ANKRD66: variants seen among roughly 807,000 people sequenced by gnomAD.
The protein encoded by ANKRD66 is ankyrin repeat domain 66.
A neutral mutation model predicts 10.9 loss-of-function variants in ANKRD66; 10 were observed. That is an observed-to-expected ratio of 0.91 (90% CI 0.56 to 1.55). The LOEUF (loss-of-function observed/expected upper bound fraction) is 1.55, where lower values mean the gene tolerates loss of function less well. ANKRD66 is among the 40% of genes most tolerant of loss of function. The pLI is 0.00. For synonymous variants in ANKRD66, 85 were observed against 88.4 expected (o/e 0.96, Z 0.22); for missense variants, 252 against 242.9 (o/e 1.04, Z -0.25).
chr6:46,758,604 C>A (rs1438647400), intron 4 of ANKRD66, 119 bp from the exon 5 acceptor site: 2 of 936,560 alleles, frequency 2.1e-6, no homozygotes, highest in Non-Finnish European at 3.0e-6. Context: ...AATGCTCAAA[C>A]TTGGCCTCCT....
In ANKRD66 at chr6:46,749,953, G is replaced by T; in HGVS notation, c.-39G>T. 2.6e-6 allele frequency: 4 copies of T among 1,519,806 alleles called. No homozygotes were observed. The highest frequency in any genetic ancestry group is 3.6e-6 in the Non-Finnish European group (4 of 1,118,150). The allele number at this position is 1,519,806 out of a possible 1,614,324, so 94.1% of individuals were successfully genotyped here. ...AGGGCTTACCACAACAAAGATGGCC[G>T]GACCCCTGCCCAGAGTTTCAGATTC... On this transcript the variant is annotated 5_prime_UTR_variant, in exon 2 of 5. The change creates a premature stop within an existing upstream ORF in the 5' untranslated region. Transcript: ENST00000565422.
chr6:46,753,618 G>T, intron 3 of ANKRD66, 104 bp from the exon 4 acceptor site: 2 of 1,165,242 alleles, frequency 1.7e-6, no homozygotes, highest in Non-Finnish European at 2.4e-6. Context: ...CTCCTCAAAG[G>T]CAAAGTTTCC....
intron 1 of ANKRD66, among the ~76,000 whole-genome samples, chr6:46,749,280 C>A (rs994311040): frequency 6.6e-6 from 1 of 152,176 alleles, no homozygotes; most frequent in African/African-American, 2.4e-5. Context: ...ATGTCTCCTG[C>A]CAACTAACTG....
intron 3 of ANKRD66, 108 bp downstream of exon 3, chr6:46,752,219 G>C (rs967238278): frequency 2.5e-6 from 3 of 1,213,380 alleles, no homozygotes; most frequent in Non-Finnish European, 3.2e-6. Context: ...TTTAGAGCCA[G>C]TTGGAAACTT....
At position 46,758,979 on chromosome 6, in the gene ANKRD66, T is replaced by C. The variant is rs1582609377; in HGVS notation, c.*58T>C. 1 of 1,469,786 alleles carries C rather than the reference T, an allele frequency of 6.8e-7. No homozygotes were observed. Among genetic ancestry groups the C allele is most frequent in the East Asian group, 2.5e-5 (1 of 40,458 alleles). 91.0% of individuals were successfully genotyped at this position (1,469,786 alleles called of 1,614,324 possible). A position where few individuals can be genotyped will look rare whatever the true frequency, so the allele number is the denominator to read the frequency against. ...TTCCCTGGTGCCAGAAATGAGGCTG[T>C]TAGGCATGGTGGCCTTTCCATGACT... is the stretch of plus-strand genomic sequence containing the variant. On this transcript the variant is annotated 3_prime_UTR_variant, in exon 5 of 5. Coordinates refer to ENST00000565422, the MANE Select transcript of ANKRD66 (RefSeq NM_001162435.3).
chr6:46,747,174 G>A (rs867872767), intron 1 of ANKRD66, among the ~76,000 whole-genome samples, 184 bp downstream of exon 1: 1 of 152,046 alleles, frequency 6.6e-6, no homozygotes, highest in Non-Finnish European at 1.5e-5. Flanking sequence ...GGTTACTAAA[G>A]GAACCAATTG....
At chr6:46,758,683 C>T (rs1766425537) in intron 4 of ANKRD66, 40 bp from the exon 5 acceptor site, 1 of 1,507,380 alleles carries the variant, frequency 6.6e-7, no homozygotes, top group Non-Finnish European at 8.9e-7. Flanking sequence ...GGAACAGGTC[C>T]TCCTGATCCA....
chr6:46,749,829 T>C, intron 1 of ANKRD66, 67 bp from the exon 2 acceptor site: 1 of 1,497,858 alleles, frequency 6.7e-7, no homozygotes, highest in Non-Finnish European at 8.9e-7. Flanking sequence ...TGGTTCTTTC[T>C]CTCTGTCCTC....
intron 4 of ANKRD66, chr6:46,756,900 C>G (rs1582608302): frequency 6.6e-6 from 1 of 152,120 alleles, no homozygotes; most frequent in East Asian, 1.9e-4. Flanking sequence ...TCTTGCGTGC[C>G]TTTTAAATGC....
intron 4 of ANKRD66, chr6:46,756,509 T>A (rs1446900690): frequency 1.3e-5 from 2 of 156,282 alleles, no homozygotes; most frequent in African/African-American, 4.8e-5. Flanking sequence ...TACTTGATAG[T>A]TTTATATAGC....
intron 2 of ANKRD66, among the ~76,000 whole-genome samples, chr6:46,751,102 A>G (rs555811903): frequency 1.3e-5 from 2 of 152,228 alleles, no homozygotes; most frequent in South Asian, 2.1e-4. Flanking sequence ...GGATGTTCCT[A>G]TGTAACTGGC....
At chr6:46,757,974 AGCTTAGGGT>A (rs1385766743) in intron 4 of ANKRD66, 1 of 152,234 alleles carries the variant, frequency 6.6e-6, no homozygotes, top group Non-Finnish European at 1.5e-5. Flanking sequence ...GGTCACTTCC[AGCTTAGGGT>A]GAGGGACTAG....
At chr6:46,749,376 G>A (rs1431744501) in intron 1 of ANKRD66, among the ~76,000 whole-genome samples, 1 of 152,134 alleles carries the variant, frequency 6.6e-6, no homozygotes, top group Admixed American at 6.5e-5. Flanking sequence ...CACCGACCAG[G>A]CCCTTCCCCC....
chr6:46,749,779 A>C (rs984556184), intron 1 of ANKRD66, 117 bp from the exon 2 acceptor site: 2 of 1,300,314 alleles, frequency 1.5e-6, no homozygotes, highest in African/African-American at 3.0e-5. Context: ...AGCTTAGGCC[A>C]CTTTTAGAGA....
At position 46,751,982 on chromosome 6, in the gene ANKRD66, C is replaced by T. The variant is rs1374918033; in HGVS notation, c.34C>T (p.Leu12Phe). ...ELAKMSDMTK[L>F]HQAVAAGDYS... Reference sequence around the variant, plus strand: ...GGCCAAAATGTCAGACATGACAAAGCTTCACCAAGCTGTGGCTGCAGGAGA... The same window carrying T: ...GGCCAAAATGTCAGACATGACAAAGTTTCACCAAGCTGTGGCTGCAGGAGA... Residue 12 changes from leucine (L) to phenylalanine (F), a missense_variant, in exon 3 of 5, where the codon CTT (leucine) becomes TTT (phenylalanine). Transcript: ENST00000565422. 9 of 1,494,386 alleles carry T rather than the reference C, an allele frequency of 6.0e-6. No homozygotes were observed. The highest frequency in any genetic ancestry group is 8.0e-6 in the Non-Finnish European group (9 of 1,124,290). The allele number at this position is 1,494,386 out of a possible 1,614,324, so 92.6% of individuals were successfully genotyped here.
chr6:46,753,714 C>A lies in ANKRD66; in HGVS notation c.164-8C>A. ...AACCTCATCCTGTTTCTTTTTGGTACATCTAAGGGCAAATGGAGGTGATAC... is the reference window on the plus strand; with the variant it reads ...AACCTCATCCTGTTTCTTTTTGGTAAATCTAAGGGCAAATGGAGGTGATAC... On this transcript the variant is annotated splice_region_variant and splice_polypyrimidine_tract_variant and intron_variant, in intron 3 of 4. Coordinates refer to ENST00000565422, the MANE Select transcript of ANKRD66 (RefSeq NM_001162435.3). 2.6e-6 allele frequency: 4 copies of A among 1,535,668 alleles called. No individual in the cohort carries two copies. Among genetic ancestry groups the A allele is most frequent in the Non-Finnish European group, 2.6e-6 (3 of 1,139,296 alleles).
Position 46,751,827 on chromosome 6 carries a change from G to A in ANKRD66, c.-12-110G>A, listed in dbSNP as rs188009164. 2.3e-5 allele frequency: 27 copies of A among 1,165,868 alleles called. No homozygotes were observed. The East Asian group carries it at 8.5e-4, about 37-fold the overall frequency. 72.2% of individuals were successfully genotyped at this position (1,165,868 alleles called of 1,614,324 possible). A position where few individuals can be genotyped will look rare whatever the true frequency, so the allele number is the denominator to read the frequency against. ...GCCACACACATGAGGCAAACTGAGAGGCAAATGCATGCGGCAGGAAAGGAA... is the reference window on the plus strand; with the variant it reads ...GCCACACACATGAGGCAAACTGAGAAGCAAATGCATGCGGCAGGAAAGGAA... On this transcript the variant is annotated intron_variant, in intron 2 of 4. Transcript: ENST00000565422.
chr6:46,754,031 T>C, intron 4 of ANKRD66, 81 bp downstream of exon 4: 1 of 1,229,646 alleles, frequency 8.1e-7, no homozygotes, highest in African/African-American at 1.5e-5. Flanking sequence ...TTCTGTGGTC[T>C]CAGGTCAATG....
intron 2 of ANKRD66, 78 bp downstream of exon 2, chr6:46,750,057 G>A: frequency 1.3e-6 from 1 of 771,262 alleles, no homozygotes; most frequent in Middle Eastern, 3.4e-4. Context: ...GTCACAGTTA[G>A]TGAAGTTGAC....
Sources: allele counts gnomAD v4.1 joint callset (sites outside exome capture counted in the v4.1 genomes callset), GRCh38; gene constraint gnomAD v4.1.1; transcripts MANE v1.5; gene names NCBI Gene and HGNC (gene_info 2026-07-23, HGNC 2026-07-21).